STK24: variants seen among roughly 807,000 people sequenced by gnomAD.
STK24 encodes the protein serine/threonine-protein kinase 24.
Under a neutral mutation model 55.6 loss-of-function variants are expected in STK24, and 21 were observed. The observed-to-expected ratio is 0.38, with a 90% CI of 0.27 to 0.54. The LOEUF is 0.54. Among genes scored for constraint, STK24 ranks in the 20% least tolerant of loss-of-function variants. The pLI, the probability that STK24 is intolerant of heterozygous loss-of-function variation, is 0.79. For synonymous variants in STK24, 200 were observed against 215.2 expected, an observed-to-expected ratio of 0.93 and a Z score of 0.62; for missense variants, 383 against 538.4, an observed-to-expected ratio of 0.71 and a Z score of 2.86.
chr13:98,514,202 G>A (rs1224020842), intron 2 of STK24, among the ~76,000 whole-genome samples: 2 of 152,190 alleles, frequency 1.3e-5, no homozygotes, highest in South Asian at 2.1e-4. Context: ...TAGTTATGCG[G>A]GGGAGAAGCA....
intron 1 of STK24, among the ~76,000 whole-genome samples, chr13:98,549,670 A>G (rs1897114104): frequency 6.6e-6 from 1 of 152,170 alleles, no homozygotes; most frequent in Non-Finnish European, 1.5e-5. Context: ...AGGCCTCCCC[A>G]GCAGCCAAAG....
Position 98,450,281 on chromosome 13 carries a change from T to C in STK24, c.*2892A>G, listed in dbSNP as rs1363957703. The C allele has an allele frequency of 6.6e-6, 1 of 152,220 alleles. No homozygotes were observed. Among genetic ancestry groups the C allele is most frequent in the Non-Finnish European group, 1.5e-5 (1 of 68,040 alleles). The allele number at this position is 152,220 out of a possible 1,614,324, so 9.4% of individuals were successfully genotyped here. A position where few individuals can be genotyped will look rare whatever the true frequency, so the allele number is the denominator to read the frequency against. On this transcript the variant is annotated 3_prime_UTR_variant, in exon 11 of 11. Transcript: ENST00000539966. ...CATGCCCTATTAGGTCACTCTGCCT[T>C]TGCTGACACATTTTATAGCAGAAAT...
chr13:98,472,524 A>T (rs1429243148), intron 5 of STK24, among the ~76,000 whole-genome samples: 1 of 152,146 alleles, frequency 6.6e-6, no homozygotes, highest in African/African-American at 2.4e-5. Flanking sequence ...GAAACTGCTT[A>T]TTTATTGTTT....
intron 1 of STK24, among the ~76,000 whole-genome samples, chr13:98,548,861 C>CAAAAAAAAAAAAAAAA (rs55793722): frequency 2.6e-5 from 1 of 37,804 alleles, no homozygotes; most frequent in African/African-American, 8.9e-5. Context: ...GACTCTGTCT[C>CAAAAAAAAAAAAAAAA]AAAAAAAAAA....
Position 98,448,293 on chromosome 13 carries a change from T to C in STK24, c.*4880A>G, listed in dbSNP as rs12261. ...CTGCCTCGCGACCCCACGTGTTGAG[T>C]CACAAAGAGTCTCTTGTGTATTGAT... On this transcript the variant is annotated 3_prime_UTR_variant, in exon 11 of 11. Transcript: ENST00000539966. The C allele has an allele frequency of 0.57, 911,147 of 1,612,630 alleles. 259,699 individuals are homozygous for C. The highest frequency in any genetic ancestry group is 0.6 in the East Asian group (26,829 of 44,850).
intron 1 of STK24, among the ~76,000 whole-genome samples, chr13:98,547,407 G>C (rs1352348414): frequency 6.6e-6 from 1 of 152,120 alleles, no homozygotes; most frequent in Admixed American, 6.5e-5. Flanking sequence ...AATGAGCCGG[G>C]CACGGTGGCA....
At chr13:98,548,519 G>A (rs573199146) in intron 1 of STK24, among the ~76,000 whole-genome samples, 1 of 152,162 alleles carries the variant, frequency 6.6e-6, no homozygotes, top group African/African-American at 2.4e-5. Flanking sequence ...AGCTGATGAT[G>A]CGTACACTTC....
In STK24 at chr13:98,492,035, G is replaced by A. The variant is rs554320674; in HGVS notation, c.274-9714C>T. On this transcript the variant is annotated intron_variant, in intron 2 of 10. Coordinates refer to ENST00000539966, the MANE Select transcript of STK24 (RefSeq NM_001032296.4). ...AAAAACTATAGGCAGAAAAGGGTGG[G>A]TGAAGAAATAGATCAATTCACCTCC... Among the ~76,000 whole-genome samples the A allele has an allele frequency of 2.8e-4, 43 of 152,004 alleles. No homozygotes were observed. In the South Asian group the frequency reaches 6.2e-3, roughly 22 times the overall value.
At chr13:98,458,041 T>A (rs564857928) in intron 9 of STK24, among the ~76,000 whole-genome samples, 43 of 152,362 alleles carry the variant, frequency 2.8e-4, no homozygotes, top group Non-Finnish European at 6.0e-4. Flanking sequence ...ATGGGTTGGT[T>A]CTTAAACTCC....
chr13:98,461,728 C>A, intron 8 of STK24, 46 bp downstream of exon 8: 1 of 1,603,512 alleles, frequency 6.2e-7, no homozygotes. Flanking sequence ...CTCCAAAACA[C>A]TGCAGACTGA....
At chr13:98,572,130 C>T (rs1310844121) in intron 1 of STK24, among the ~76,000 whole-genome samples, 1 of 152,226 alleles carries the variant, frequency 6.6e-6, no homozygotes, top group East Asian at 1.9e-4. Flanking sequence ...TGTCCTCAGT[C>T]ACTGCAACCT....
chr13:98,504,642 CG>C (rs1397038257), intron 2 of STK24, among the ~76,000 whole-genome samples: 1 of 152,180 alleles, frequency 6.6e-6, no homozygotes, highest in Non-Finnish European at 1.5e-5. Context: ...GTGGAGTCGT[CG>C]GTGACTATCT....
chr13:98,500,024 C>T (rs1365706640), intron 2 of STK24, among the ~76,000 whole-genome samples: 1 of 152,222 alleles, frequency 6.6e-6, no homozygotes, highest in Admixed American at 6.5e-5. Context: ...GCTAGTGTTA[C>T]TTTGTGTTTC....
chr13:98,453,167 G>A lies in STK24; in HGVS notation c.*6C>T. On this transcript the variant is annotated 3_prime_UTR_variant, in exon 11 of 11. Transcript: ENST00000539966. ...GAAAAACAAAACCCCAAATGCCAAA[G>A]GAATTTCAGTGGGATGAAGTTCCTC... 2 of 1,613,706 alleles carry A rather than the reference G, an allele frequency of 1.2e-6. No homozygotes were observed. Among genetic ancestry groups the A allele is most frequent in the Non-Finnish European group, 1.7e-6 (2 of 1,179,864 alleles).
In STK24 at chr13:98,576,978, A is replaced by ACGGCG. The variant is rs1177279706; in HGVS notation, c.-197_-193dup. 6.3e-6 allele frequency: 1 copy of ACGGCG among 159,782 alleles called. No individual in the cohort carries two copies. The highest frequency in any genetic ancestry group is 6.8e-5 in the Admixed American group (1 of 14,682). 9.9% of individuals were successfully genotyped at this position (159,782 alleles called of 1,614,324 possible). On this transcript the variant is annotated 5_prime_UTR_variant, in exon 1 of 11. Coordinates refer to ENST00000539966, the MANE Select transcript of STK24 (RefSeq NM_001032296.4). The stretch of plus-strand genomic sequence containing the variant: ...CGGGTGGCGGGCCGCGTCTCCATGC[A>ACGGCG]CGGCGCCAGGGAGGAGCTGCTGGGG...
At chr13:98,563,207 C>A (rs1218082955) in intron 1 of STK24, among the ~76,000 whole-genome samples, 1 of 152,192 alleles carries the variant, frequency 6.6e-6, no homozygotes, top group African/African-American at 2.4e-5. Flanking sequence ...ACATCCAAGG[C>A]TAGCACCGAT....
intron 5 of STK24, among the ~76,000 whole-genome samples, chr13:98,468,455 G>A (rs1268090229): frequency 6.6e-6 from 1 of 152,198 alleles, no homozygotes; most frequent in East Asian, 1.9e-4. Context: ...AGCACAGGGT[G>A]GGCAAGCACC....
At position 98,466,067 on chromosome 13, in the gene STK24, G is replaced by A. The variant is rs112242468; in HGVS notation, c.783+309C>T. Among the ~76,000 whole-genome samples, 1,192 of 152,282 alleles carry A rather than the reference G, an allele frequency of 7.8e-3. 17 individuals carry two copies. Among genetic ancestry groups the A allele is most frequent in the African/African-American group, 0.027 (1,120 of 41,548 alleles). ...TGCCATTATTAAAAACAGTGTAACA[G>A]TTTATGGCCTGATCTTCTATAAATA... On this transcript the variant is annotated intron_variant, in intron 6 of 10. Transcript: ENST00000539966.
intron 5 of STK24, among the ~76,000 whole-genome samples, chr13:98,470,885 C>T (rs2139277461): frequency 1.3e-5 from 2 of 152,376 alleles, no homozygotes; most frequent in African/African-American, 4.8e-5. Flanking sequence ...CCCTAAATCA[C>T]AGCTGTAATC....
Sources: gnomAD v4.1 joint callset for allele counts (sites outside exome capture counted in the v4.1 genomes callset) on GRCh38, gnomAD v4.1.1 for gene constraint, MANE v1.5 for transcripts, NCBI Gene and HGNC (gene_info 2026-07-23, HGNC 2026-07-21) for gene names.